Variants in ANK3 observed in about 807,000 individuals in gnomAD.
ANK3 encodes the protein ankyrin 3, also known as ankyrin-3.
A neutral mutation model predicts 370.9 loss-of-function variants in ANK3; 57 were observed. The ratio of observed to expected loss-of-function variants is 0.15; its 90% CI spans 0.12 to 0.19. The LOEUF is 0.19. Ranked by LOEUF, ANK3 falls within the 10% of genes least tolerant of loss-of-function variation. ANK3 has a pLI of 1.00. For missense variants in ANK3, 4,439 were observed against 5,302.1 expected (o/e 0.84, Z 5.06); for synonymous variants, 1,929 against 1,946.3 (o/e 0.99, Z 0.23).
At chr10:60,213,297 T>G in intron 9 of ANK3, 115 bp downstream of exon 9, 1 of 680,328 alleles carries the variant, frequency 1.5e-6, no homozygotes, top group Non-Finnish European at 2.5e-6. Context: ...CTGGTGAACA[T>G]AACTACTCTG....
intron 1 of ANK3, chr10:60,300,334 C>T: frequency 6.2e-6 from 8 of 1,287,438 alleles, no homozygotes; most frequent in Non-Finnish European, 7.1e-6. Flanking sequence ...CTGGGAAGCT[C>T]TCTCCCTCTT....
intron 7 of ANK3, among the ~76,000 whole-genome samples, chr10:60,237,141 G>T (rs1208166078): frequency 6.6e-6 from 1 of 152,196 alleles, no homozygotes; most frequent in Non-Finnish European, 1.5e-5. Flanking sequence ...GTCTTTTTTG[G>T]TGTGGAGGAC....
At chr10:60,119,945 A>G (rs543711146) in intron 25 of ANK3, among the ~76,000 whole-genome samples, 1 of 152,318 alleles carries the variant, frequency 6.6e-6, no homozygotes, top group South Asian at 2.1e-4. Flanking sequence ...TATTCTTCAC[A>G]GAAATTTAAA....
At chr10:60,291,800 C>T (rs914600436) in intron 1 of ANK3, among the ~76,000 whole-genome samples, 1 of 152,116 alleles carries the variant, frequency 6.6e-6, no homozygotes, top group African/African-American at 2.4e-5. Context: ...GCAACCTCCA[C>T]CTCCCAGGCT....
chr10:60,617,652 A>G (rs1286385218), intron 1 of ANK3, among the ~76,000 whole-genome samples: 1 of 152,130 alleles, frequency 6.6e-6, no homozygotes, highest in African/African-American at 2.4e-5. Flanking sequence ...TCTTCCTCTG[A>G]TCCATCTGTC....
intron 1 of ANK3, among the ~76,000 whole-genome samples, chr10:60,343,861 G>A (rs1158921579): frequency 6.6e-6 from 1 of 152,226 alleles, no homozygotes; most frequent in East Asian, 1.9e-4. Flanking sequence ...GTTCAGTCTG[G>A]CTGATGCGGG....
intron 1 of ANK3, among the ~76,000 whole-genome samples, chr10:60,695,124 AC>A (rs2079425570): frequency 6.6e-6 from 1 of 151,934 alleles, no homozygotes; most frequent in Admixed American, 6.6e-5. Context: ...CAGACTTTAA[AC>A]CAACAAAGAT....
At chr10:60,446,957 A>G (rs1158346203) in intron 2 of ANK3, among the ~76,000 whole-genome samples, 1 of 152,212 alleles carries the variant, frequency 6.6e-6, no homozygotes, top group Non-Finnish European at 1.5e-5. Context: ...GTATGTAAGA[A>G]GTACTACGGA....
chr10:60,667,504 T>G (rs1488803323), intron 1 of ANK3, among the ~76,000 whole-genome samples: 1 of 151,834 alleles, frequency 6.6e-6, no homozygotes, highest in Non-Finnish European at 1.5e-5. Flanking sequence ...ATATAAAAAT[T>G]CATAAAAATT....
chr10:60,325,116 C>G (rs2049517892), intron 1 of ANK3, among the ~76,000 whole-genome samples: 1 of 152,216 alleles, frequency 6.6e-6, no homozygotes, highest in South Asian at 2.1e-4. Context: ...ATATTTGAAT[C>G]TTAATGACAG....
intron 2 of ANK3, chr10:60,615,109 CTA>C (rs1358789939): frequency 5.4e-5 from 51 of 945,258 alleles, no homozygotes; most frequent in Admixed American, 1.3e-4. Context: ...TCATTCAACT[CTA>C]TGTTTATAAT....
intron 21 of ANK3, 23 bp downstream of exon 21, chr10:60,172,285 A>G (rs1399528307): frequency 7.4e-5 from 118 of 1,592,410 alleles, no homozygotes; most frequent in Non-Finnish European, 9.6e-5. Context: ...CTAGGGTAAC[A>G]AGGTTCTGCA....
chr10:60,334,266 T>A (rs1399520765), intron 1 of ANK3, among the ~76,000 whole-genome samples: 1 of 152,166 alleles, frequency 6.6e-6, no homozygotes, highest in Non-Finnish European at 1.5e-5. Flanking sequence ...TAAAATAATC[T>A]TTGTAATTTA....
At chr10:60,673,879 C>A (rs2079092267) in intron 1 of ANK3, among the ~76,000 whole-genome samples, 1 of 152,094 alleles carries the variant, frequency 6.6e-6, no homozygotes, top group African/African-American at 2.4e-5. Flanking sequence ...GAGTTGAAAT[C>A]AGCATGATGC....
chr10:60,415,916 G>GGGGGGGGGGGCC, intron 2 of ANK3, among the ~76,000 whole-genome samples: 1 of 81,276 alleles, frequency 1.2e-5, no homozygotes, highest in Admixed American at 1.2e-4. Flanking sequence ...CTGAATTTGT[G>GGGGGGGGGGGCC]CCCCCCACCC....
intron 2 of ANK3, among the ~76,000 whole-genome samples, chr10:60,476,947 T>C (rs1257012419): frequency 6.6e-6 from 1 of 152,138 alleles, no homozygotes; most frequent in Non-Finnish European, 1.5e-5. Context: ...CAAAACTGTT[T>C]ATGAGCATCT....
At chr10:60,314,888 G>C (rs2047079468) in intron 1 of ANK3, among the ~76,000 whole-genome samples, 1 of 152,194 alleles carries the variant, frequency 6.6e-6, no homozygotes, top group South Asian at 2.1e-4. Context: ...GATCTAAAAG[G>C]AAAACGCTTG....
chr10:60,598,730 C>G (rs192735639), intron 2 of ANK3, among the ~76,000 whole-genome samples: 143 of 152,226 alleles, frequency 9.4e-4, no homozygotes, highest in African/African-American at 3.0e-3. Context: ...TATGGTTGAA[C>G]CTATTCTGCT....
intron 2 of ANK3, among the ~76,000 whole-genome samples, chr10:60,552,211 GATATTC>G (rs1219271398): frequency 1.3e-5 from 2 of 152,146 alleles, no homozygotes; most frequent in African/African-American, 2.4e-5. Flanking sequence ...GAGAAAACAT[GATATTC>G]ATATTCATTT....
Sources: gnomAD v4.1 joint callset for allele counts (sites outside exome capture counted in the v4.1 genomes callset) on GRCh38, gnomAD v4.1.1 for gene constraint, MANE v1.5 for transcripts, NCBI Gene and HGNC (gene_info 2026-07-23, HGNC 2026-07-21) for gene names.